VAMP7: variants seen among roughly 807,000 people sequenced by gnomAD.
VAMP7 encodes the protein vesicle associated membrane protein 7.
Under a neutral mutation model 29.6 loss-of-function variants are expected in VAMP7, and 14 were observed. That is an observed-to-expected ratio of 0.47 (90% CI 0.31 to 0.74). VAMP7 has a LOEUF of 0.74. VAMP7 is among the 30% of genes least tolerant of loss of function. The pLI is 0.05. For synonymous variants in VAMP7, 95 were observed against 88.1 expected (o/e 1.08, Z -0.44); for missense variants, 223 against 262.4 (o/e 0.85, Z 1.04).
chrX:155,931,356 A>G (rs2066551158), intron 6 of VAMP7, among the ~76,000 whole-genome samples: 1 of 152,124 alleles, frequency 6.6e-6, no homozygotes, highest in Non-Finnish European at 1.5e-5. Flanking sequence ...GTTTCTCCAC[A>G]TCCTCTCCAG....
chrX:155,931,266 G>T (rs2066549759), intron 6 of VAMP7, among the ~76,000 whole-genome samples: 1 of 152,162 alleles, frequency 6.6e-6, no homozygotes, highest in Non-Finnish European at 1.5e-5. Context: ...TCTACTTCTA[G>T]ATCCCTGAGG....
At chrX:155,933,483 A>T (rs2066596612) in intron 6 of VAMP7, among the ~76,000 whole-genome samples, 1 of 152,006 alleles carries the variant, frequency 6.6e-6, no homozygotes, top group East Asian at 1.9e-4. Flanking sequence ...TTTCTAGTTT[A>T]TTTGTGTAGA....
At chrX:155,930,539 A>G (rs1214318260) in intron 6 of VAMP7, among the ~76,000 whole-genome samples, 1 of 151,326 alleles carries the variant, frequency 6.6e-6, no homozygotes, top group African/African-American at 2.4e-5. Context: ...AGTCCTAGCT[A>G]CTTGGGGGGC....
At chrX:155,905,420 G>A (rs1387000303) in intron 5 of VAMP7, among the ~76,000 whole-genome samples, 3 of 151,976 alleles carry the variant, frequency 2.0e-5, no homozygotes, top group African/African-American at 7.2e-5. Flanking sequence ...CAGTTTTTAT[G>A]AAGTCCAATT....
At chrX:155,921,633 T>A (rs911410495) in intron 6 of VAMP7, among the ~76,000 whole-genome samples, 2 of 152,152 alleles carry the variant, frequency 1.3e-5, no homozygotes, top group Non-Finnish European at 2.9e-5. Flanking sequence ...TGTGGGGCTT[T>A]ATTTCTGGAT....
intron 4 of VAMP7, 36 bp from the exon 5 acceptor site, chrX:155,900,461 T>G: frequency 6.6e-7 from 1 of 1,510,172 alleles, no homozygotes. Context: ...GTAAATAATG[T>G]CTAGGTACCA....
chrX:155,904,924 GT>G (rs2066127345), intron 5 of VAMP7, among the ~76,000 whole-genome samples: 2 of 136,998 alleles, frequency 1.5e-5, no homozygotes, highest in South Asian at 2.3e-4. Context: ...ATATATATAT[GT>G]TTTTGGTTCT....
intron 6 of VAMP7, among the ~76,000 whole-genome samples, chrX:155,935,956 G>A (rs187864578): frequency 0.045 from 6,864 of 152,132 alleles, 211 homozygotes; most frequent in Non-Finnish European, 0.072. Context: ...GGAGTTTGTC[G>A]GAGGGCCACT....
At chrX:155,899,349 TTTTAA>T (rs1421787406) in intron 4 of VAMP7, among the ~76,000 whole-genome samples, 2 of 151,938 alleles carry the variant, frequency 1.3e-5, no homozygotes, top group African/African-American at 2.4e-5. Flanking sequence ...CTCATTGTGG[TTTTAA>T]TTTATGTTTT....
intron 1 of VAMP7, among the ~76,000 whole-genome samples, chrX:155,886,916 T>TA (rs2065872287): frequency 0.015 from 1 of 66 alleles, no homozygotes; most frequent in Admixed American, 0.25. Flanking sequence ...AGTTTCCTTC[T>TA]GAACCTGCAC....
intron 6 of VAMP7, among the ~76,000 whole-genome samples, chrX:155,935,551 C>T (rs1200991214): frequency 3.3e-5 from 5 of 152,146 alleles, no homozygotes; most frequent in African/African-American, 7.2e-5. Context: ...TCAGCTCCAT[C>T]AGGTCATTTA....
At chrX:155,898,571 C>A (rs1482975424) in intron 4 of VAMP7, among the ~76,000 whole-genome samples, 4 of 151,972 alleles carry the variant, frequency 2.6e-5, no homozygotes, top group South Asian at 2.1e-4. Flanking sequence ...TATACGTAAA[C>A]CTTCTACCCT....
At chrX:155,928,561 G>A (rs1198273249) in intron 6 of VAMP7, among the ~76,000 whole-genome samples, 1 of 152,098 alleles carries the variant, frequency 6.6e-6, no homozygotes, top group East Asian at 1.9e-4. Flanking sequence ...CTTTGCATGT[G>A]TGTCAAGCCT....
chrX:155,888,365 T>G (rs1288389241), intron 1 of VAMP7, among the ~76,000 whole-genome samples: 1 of 152,190 alleles, frequency 6.6e-6, no homozygotes, highest in South Asian at 2.1e-4. Flanking sequence ...GAATCAGAAT[T>G]TCAGGAAGTG....
intron 1 of VAMP7, among the ~76,000 whole-genome samples, chrX:155,887,684 T>G (rs1037411026): frequency 3.9e-5 from 6 of 151,998 alleles, no homozygotes; most frequent in Non-Finnish European, 8.8e-5. Flanking sequence ...ATCCCAGCAC[T>G]TTGGGAGGCC....
chrX:155,929,508 T>C (rs1299781217), intron 6 of VAMP7, among the ~76,000 whole-genome samples: 2 of 152,164 alleles, frequency 1.3e-5, no homozygotes, highest in Admixed American at 1.3e-4. Context: ...CTTCTGGGCC[T>C]GATAAATTTT....
Position 155,898,039 on chromosome X carries a change from ATTG to A in VAMP7, c.205-67_205-65del, listed in dbSNP as rs2066009413. ...GCTCAGTAAATGTTAGCTGTTTTTT[ATTG>A]TTGTTCTTAATCACTCACATCATCT... is the stretch of plus-strand genomic sequence containing the variant. On this transcript the variant is annotated intron_variant, in intron 3 of 7. Transcript: ENST00000286448. 4 of 1,545,912 alleles carry A rather than the reference ATTG, an allele frequency of 2.6e-6. No individual in the cohort carries two copies. In the South Asian group the frequency reaches 3.7e-5, roughly 14 times the overall value.
chrX:155,942,317 C>A lies in VAMP7; in HGVS notation c.*366C>A. The stretch of plus-strand genomic sequence containing the variant: ...ACTATGGAGAAACTTTGTATGTGCA[C>A]ACAAAAGTATTCAAGAGACAGTATT... On this transcript the variant is annotated 3_prime_UTR_variant, in exon 8 of 8. Transcript: ENST00000286448. 3 of 734,614 alleles carry A rather than the reference C, an allele frequency of 4.1e-6. No individual in the cohort carries two copies. The highest frequency in any genetic ancestry group is 2.1e-5 in the South Asian group (1 of 48,478). 45.5% of individuals were successfully genotyped at this position (734,614 alleles called of 1,614,324 possible). A position where few individuals can be genotyped will look rare whatever the true frequency, so the allele number is the denominator to read the frequency against.
intron 5 of VAMP7, among the ~76,000 whole-genome samples, chrX:155,906,783 C>G (rs1602953450): frequency 6.6e-6 from 1 of 152,106 alleles, no homozygotes; most frequent in Non-Finnish European, 1.5e-5. Flanking sequence ...TCTTCCTTTT[C>G]AGTCTGGATG....
Sources: gnomAD v4.1 joint callset for allele counts (sites outside exome capture counted in the v4.1 genomes callset) on GRCh38, gnomAD v4.1.1 for gene constraint, MANE v1.5 for transcripts, NCBI Gene and HGNC (gene_info 2026-07-23, HGNC 2026-07-21) for gene names.